Variants in WDR45B observed in about 807,000 individuals in gnomAD.
The protein encoded by WDR45B is WD repeat domain phosphoinositide-interacting protein 3.
Under a neutral mutation model 44.6 loss-of-function variants are expected in WDR45B, and 20 were observed. The observed-to-expected ratio is 0.45, with a 90% confidence interval of 0.32 to 0.65. The LOEUF is 0.65. Among genes scored for constraint, WDR45B ranks in the 30% least tolerant of loss-of-function variants. The pLI, the probability that WDR45B is intolerant of heterozygous loss-of-function variation, is 0.05. For synonymous variants in WDR45B, 169 were observed against 164.9 expected (o/e 1.02, Z -0.19); for missense variants, 323 against 430.2 (o/e 0.75, Z 2.20).
Position 82,648,367 on chromosome 17 carries a change from C to G in WDR45B, c.-27G>C. 6.2e-7 allele frequency: 1 copy of G among 1,601,764 alleles called. No individual in the cohort carries two copies. Among genetic ancestry groups the G allele is most frequent in the Non-Finnish European group, 8.5e-7 (1 of 1,176,018 alleles). On this transcript the variant is annotated 5_prime_UTR_variant, in exon 1 of 10. Coordinates refer to ENST00000392325, the MANE Select transcript of WDR45B (RefSeq NM_019613.4). ...GCGCCGCCGTGCTGGGTCGCCGCTC[C>G]TCAGCGCTGCATGCCTCTCGCTGGG...
chr17:82,642,252 G>A (rs1446481738), intron 2 of WDR45B, among the ~76,000 whole-genome samples: 1 of 152,156 alleles, frequency 6.6e-6, no homozygotes, highest in African/African-American at 2.4e-5. Context: ...ACCAAGCTCT[G>A]CCCCGACAGA....
intron 2 of WDR45B, among the ~76,000 whole-genome samples, chr17:82,635,589 A>C (rs2045822703): frequency 6.6e-6 from 1 of 151,406 alleles, no homozygotes. Flanking sequence ...CACCCAGCTA[A>C]TTTTTGTATT....
intron 4 of WDR45B, chr17:82,625,844 T>C (rs138210946): frequency 9.0e-4 from 278 of 309,750 alleles, no homozygotes; most frequent in Non-Finnish European, 1.5e-3. Flanking sequence ...AGTCTGAAAG[T>C]AGAATATCCT....
chr17:82,622,124 G>A (rs1007614027), intron 5 of WDR45B, among the ~76,000 whole-genome samples: 10 of 151,930 alleles, frequency 6.6e-5, no homozygotes, highest in Admixed American at 1.3e-4. Context: ...ACACGCCACC[G>A]AAAATGCAAT....
At chr17:82,617,802 G>A (rs545910162) in intron 7 of WDR45B, among the ~76,000 whole-genome samples, 14 of 152,354 alleles carry the variant, frequency 9.2e-5, no homozygotes, top group African/African-American at 3.4e-4. Context: ...ATGGAGGTCA[G>A]CTGGGCTGGG....
At chr17:82,644,134 C>T (rs900772634) in intron 1 of WDR45B, 111 bp from the exon 2 acceptor site, 4 of 967,042 alleles carry the variant, frequency 4.1e-6, no homozygotes, top group Non-Finnish European at 4.9e-6. Context: ...TCAAACCACA[C>T]AGACACGATA....
At chr17:82,639,132 A>C (rs1321212065) in intron 2 of WDR45B, among the ~76,000 whole-genome samples, 1 of 151,964 alleles carries the variant, frequency 6.6e-6, no homozygotes. Context: ...CGTATGTTCT[A>C]AACTTTGTGC....
intron 2 of WDR45B, among the ~76,000 whole-genome samples, chr17:82,638,344 C>T (rs894465482): frequency 6.9e-6 from 1 of 143,926 alleles, no homozygotes; most frequent in Admixed American, 7.1e-5. Flanking sequence ...AGACAGGACA[C>T]GTTAGGGTGA....
chr17:82,633,015 T>G (rs1475797208), intron 2 of WDR45B, among the ~76,000 whole-genome samples: 5 of 151,988 alleles, frequency 3.3e-5, no homozygotes, highest in Non-Finnish European at 7.4e-5. Context: ...ATACAAAAAT[T>G]AGCTGGCTGT....
At chr17:82,627,415 G>A in intron 3 of WDR45B, 124 bp from the exon 4 acceptor site, 1 of 809,072 alleles carries the variant, frequency 1.2e-6, no homozygotes, top group Non-Finnish European at 2.1e-6. Flanking sequence ...CCCACCCTCA[G>A]GCCTCAGACA....
chr17:82,641,640 T>C (rs2143373840), intron 2 of WDR45B, among the ~76,000 whole-genome samples: 1 of 152,238 alleles, frequency 6.6e-6, no homozygotes, highest in Non-Finnish European at 1.5e-5. Flanking sequence ...CTCATGCCTG[T>C]AATCCCAGCA....
intron 5 of WDR45B, 147 bp downstream of exon 5, chr17:82,625,242 G>A: frequency 1.3e-6 from 1 of 779,062 alleles, no homozygotes; most frequent in Non-Finnish European, 2.2e-6. Flanking sequence ...GTCCTGGAAG[G>A]TCCATCTCCT....
At position 82,642,031 on chromosome 17, in the gene WDR45B, C is replaced by T. The variant is rs188472302; in HGVS notation, c.142+1918G>A. 2.4e-4 allele frequency among the ~76,000 whole-genome samples: 37 copies of T among 152,124 alleles called. No homozygotes were observed. In the East Asian group the frequency reaches 7.1e-3, roughly 29 times the overall value. On this transcript the variant is annotated intron_variant, in intron 2 of 9. Coordinates refer to ENST00000392325, the MANE Select transcript of WDR45B (RefSeq NM_019613.4). The stretch of plus-strand genomic sequence containing the variant: ...ATAAAAATCCAAGAGGTCAGCTGAA[C>T]ACATGGAAGGTTCTGGAGGGTGGCA...
intron 2 of WDR45B, among the ~76,000 whole-genome samples, chr17:82,639,919 T>TGGGCTGCTGGGCTGTGTGGGTCGGGA (rs1337715899): frequency 8.5e-5 from 5 of 58,534 alleles, no homozygotes; most frequent in Admixed American, 2.1e-4. Context: ...TCGGGTCAGG[T>TGGGCTGCTGGGCTGTGTGGGTCGGGA]GGGCTGCTGG....
chr17:82,621,261 C>A (rs2045611984), intron 6 of WDR45B, among the ~76,000 whole-genome samples: 2 of 152,110 alleles, frequency 1.3e-5, no homozygotes, highest in Non-Finnish European at 2.9e-5. Context: ...ACCATCTTGG[C>A]CAGGCTGGTT....
At chr17:82,616,118 G>A in intron 9 of WDR45B, 93 bp from the exon 10 acceptor site, 1 of 1,207,546 alleles carries the variant, frequency 8.3e-7, no homozygotes, top group Middle Eastern at 1.9e-4. Flanking sequence ...AGGGCCTCTT[G>A]GAGCCAGGCA....
At chr17:82,637,501 T>G (rs905170270) in intron 2 of WDR45B, among the ~76,000 whole-genome samples, 2 of 151,804 alleles carry the variant, frequency 1.3e-5, no homozygotes, top group African/African-American at 4.9e-5. Context: ...CTGGAGAGAG[T>G]ATTAGATCCC....
chr17:82,621,757 G>T lies in WDR45B; in HGVS notation c.470C>A (p.Ala157Asp). ...ATGGCCCGTGTGCGTGCCCGGAAAG[G>T]CCAGGAGGGAGTTGTTACTATTGGG... ...LCPNSNNSLLAFPGTHTGHVQ... is the reference protein window; with the variant it reads ...LCPNSNNSLLDFPGTHTGHVQ... The change falls in exon 6 of 10, where the codon GCC (alanine) becomes GAC (aspartate). Residue 157 changes from alanine to aspartate, a missense_variant. By Grantham distance (126) the Ala-to-Asp change is moderately radical. Transcript: ENST00000392325. 6.2e-7 allele frequency: 1 copy of T among 1,614,176 alleles called. No individual in the cohort carries two copies. Among genetic ancestry groups the T allele is most frequent in the Non-Finnish European group, 8.5e-7 (1 of 1,180,048 alleles).
rs1353734454 is a variant in WDR45B at position 82,614,854 on chromosome 17, C to T, written c.*1065G>A. ...AAAATTAAATATATATCCCAAGTAG[C>T]TGACAATGTAGAGCCCATAACCTAG... On this transcript the variant is annotated 3_prime_UTR_variant, in exon 10 of 10. Transcript: ENST00000392325. 6.6e-6 allele frequency: 1 copy of T among 152,162 alleles called. No individual in the cohort carries two copies. The highest frequency in any genetic ancestry group is 2.4e-5 in the African/African-American group (1 of 41,432). The allele number at this position is 152,162 out of a possible 1,614,324, so 9.4% of individuals were successfully genotyped here.
Sources: gnomAD v4.1 joint callset for allele counts (sites outside exome capture counted in the v4.1 genomes callset) on GRCh38, gnomAD v4.1.1 for gene constraint, MANE v1.5 for transcripts, NCBI Gene and HGNC (gene_info 2026-07-23, HGNC 2026-07-21) for gene names.